PTPRD: variants seen among roughly 807,000 people sequenced by gnomAD.
PTPRD encodes receptor-type tyrosine-protein phosphatase delta.
In PTPRD, 34 loss-of-function variants were observed where a neutral mutation model predicts 214.5. That is an observed-to-expected ratio of 0.16 (90% confidence interval 0.12 to 0.21). The LOEUF (loss-of-function observed/expected upper bound fraction) is 0.21. PTPRD is among the 10% of genes least tolerant of loss of function. PTPRD has a pLI of 1.00. For synonymous variants in PTPRD, 1,128 were observed against 845.7 expected, an observed-to-expected ratio of 1.33 and a Z score of -5.79; for missense variants, 2,545 against 2,398.7, an observed-to-expected ratio of 1.06 and a Z score of -1.27.
chr9:10,438,008 C>CATATATATATATATATATAT lies in PTPRD; in HGVS notation c.-599-97011_-599-96992dup, dbSNP rs71485332. Among the ~76,000 whole-genome samples, 8 of 125,140 alleles carry CATATATATATATATATATAT rather than the reference C, an allele frequency of 6.4e-5. 1 individual carries two copies. Among genetic ancestry groups the CATATATATATATATATATAT allele is most frequent in the African/African-American group, 3.1e-4 (8 of 25,944 alleles). 82.1% of individuals were successfully genotyped at this position (125,140 alleles called of 152,430 possible). ...CTGGACTATCAGCTCCCTAAGTCTA[C>CATATATATATATATATATAT]ATATATATATATATATATATAGTGA... On this transcript the variant is annotated intron_variant, in intron 2 of 45. Coordinates refer to ENST00000381196, the MANE Select transcript of PTPRD (RefSeq NM_002839.4).
chr9:10,308,695 T>C (rs79456672), intron 3 of PTPRD, among the ~76,000 whole-genome samples: 11,759 of 152,164 alleles, frequency 0.077, 1,025 homozygotes, highest in African/African-American at 0.18. Context: ...TTCATTATCA[T>C]GGGATGTCTT....
At chr9:9,635,465 A>C (rs984435994) in intron 7 of PTPRD, among the ~76,000 whole-genome samples, 2 of 152,212 alleles carry the variant, frequency 1.3e-5, no homozygotes, top group Non-Finnish European at 2.9e-5. Context: ...CAATGATTTC[A>C]CATGGACCAA....
chr9:9,131,789 C>T (rs28616131), intron 10 of PTPRD, among the ~76,000 whole-genome samples: 5,112 of 151,966 alleles, frequency 0.034, 186 homozygotes, highest in African/African-American at 0.075. Context: ...TATGAGAGTT[C>T]GATAATATGG....
chr9:8,964,192 G>GTTTTTTTTTT (rs71317391), intron 11 of PTPRD, among the ~76,000 whole-genome samples: 7 of 35,636 alleles, frequency 2.0e-4, no homozygotes, highest in South Asian at 2.4e-3. Context: ...TCAGGGCTGT[G>GTTTTTTTTTT]TTTTTTTTTT....
intron 2 of PTPRD, among the ~76,000 whole-genome samples, chr9:10,429,394 T>A (rs2098655826): frequency 6.6e-6 from 1 of 151,982 alleles, no homozygotes; most frequent in African/African-American, 2.4e-5. Flanking sequence ...TTCATGTTAA[T>A]CTCAGCACTA....
intron 5 of PTPRD, among the ~76,000 whole-genome samples, chr9:9,781,823 C>G (rs1343001100): frequency 2.0e-5 from 3 of 147,360 alleles, no homozygotes; most frequent in Non-Finnish European, 3.0e-5. Context: ...GACGGAGTCT[C>G]GCTCTGTCGC....
At chr9:10,029,318 T>C (rs1472242258) in intron 4 of PTPRD, among the ~76,000 whole-genome samples, 1 of 152,102 alleles carries the variant, frequency 6.6e-6, no homozygotes, top group Non-Finnish European at 1.5e-5. Flanking sequence ...CGCTGTCTAG[T>C]GGAGCTGTGA....
chr9:8,990,392 C>T (rs1385693004), intron 11 of PTPRD, among the ~76,000 whole-genome samples: 1 of 152,124 alleles, frequency 6.6e-6, no homozygotes, highest in Admixed American at 6.6e-5. Flanking sequence ...ACATGTAATT[C>T]ACAGAGAGCA....
At chr9:9,607,763 T>A (rs972417930) in intron 7 of PTPRD, among the ~76,000 whole-genome samples, 12 of 145,806 alleles carry the variant, frequency 8.2e-5, no homozygotes, top group Non-Finnish European at 1.3e-4. Context: ...AAAAAAAAAA[T>A]TCATTGGCAG....
At chr9:8,414,487 CATTT>C (rs2093751268) in intron 35 of PTPRD, among the ~76,000 whole-genome samples, 1 of 151,994 alleles carries the variant, frequency 6.6e-6, no homozygotes, top group South Asian at 2.1e-4. Flanking sequence ...TAGTTTTTTT[CATTT>C]TTTTGGTTTG....
chr9:8,405,316 TATC>T (rs1360258530), intron 35 of PTPRD, among the ~76,000 whole-genome samples: 1 of 152,148 alleles, frequency 6.6e-6, no homozygotes, highest in Non-Finnish European at 1.5e-5. Flanking sequence ...TTTTTCTATT[TATC>T]ATTATATATT....
chr9:8,470,430 A>G (rs1247957664), intron 31 of PTPRD, among the ~76,000 whole-genome samples: 1 of 152,128 alleles, frequency 6.6e-6, no homozygotes, highest in Non-Finnish European at 1.5e-5. Context: ...CTTATTCTAT[A>G]TATTCTGCTT....
chr9:9,381,017 C>G (rs574317021), intron 9 of PTPRD, among the ~76,000 whole-genome samples: 72 of 152,004 alleles, frequency 4.7e-4, no homozygotes, highest in African/African-American at 1.7e-3. Context: ...ATTTCTTTTG[C>G]TTAGTGTTAG....
rs1236168301 is a variant in PTPRD, at chr9:9,276,639, T to C, written c.-202-93276A>G. 3.3e-5 allele frequency among the ~76,000 whole-genome samples: 5 copies of C among 151,178 alleles called. No individual in the cohort carries two copies. In the East Asian group the frequency reaches 9.8e-4, roughly 30 times the overall value. ...ACTTGGATCTCAGCTTCATCTTTCTTCTTTTGTGCTTTAATCTACACATGT... is the reference window on the plus strand; with the variant it reads ...ACTTGGATCTCAGCTTCATCTTTCTCCTTTTGTGCTTTAATCTACACATGT... On this transcript the variant is annotated intron_variant, in intron 9 of 45. Transcript: ENST00000381196.
intron 11 of PTPRD, among the ~76,000 whole-genome samples, chr9:8,934,483 A>ATATATCAATT (rs2098980589): frequency 1.0e-4 from 1 of 9,532 alleles, no homozygotes; most frequent in Non-Finnish European, 2.1e-4. Context: ...ATATAAATAT[A>ATATATCAATT]TATATATATA....
intron 11 of PTPRD, among the ~76,000 whole-genome samples, chr9:8,753,442 G>C (rs2093706597): frequency 6.6e-6 from 1 of 152,186 alleles, no homozygotes; most frequent in African/African-American, 2.4e-5. Flanking sequence ...TTTAAAAGCA[G>C]AAAAGTTTTC....
In PTPRD at chr9:10,521,435, C is replaced by T. The variant is rs553140405; in HGVS notation, c.-600+90963G>A. Among the ~76,000 whole-genome samples the T allele has an allele frequency of 3.3e-5, 5 of 152,134 alleles. No individual in the cohort carries two copies. In the South Asian group the frequency reaches 6.2e-4, roughly 19 times the overall value. On this transcript the variant is annotated intron_variant, in intron 2 of 45. Coordinates refer to ENST00000381196, the MANE Select transcript of PTPRD (RefSeq NM_002839.4). The stretch of plus-strand genomic sequence containing the variant: ...GGATCTACTCCTGGTGAAGATGTAG[C>T]GAACATTTTTCAAAAGACAATAAAT...
At chr9:8,649,268 G>T (rs188611197) in intron 12 of PTPRD, among the ~76,000 whole-genome samples, 31 of 152,336 alleles carry the variant, frequency 2.0e-4, no homozygotes, top group African/African-American at 7.2e-4. Context: ...ATCTGCTGGT[G>T]TCACTGTATG....
At chr9:9,780,559 G>A (rs1253950064) in intron 5 of PTPRD, among the ~76,000 whole-genome samples, 1 of 152,192 alleles carries the variant, frequency 6.6e-6, no homozygotes, top group South Asian at 2.1e-4. Flanking sequence ...AGCAAACACA[G>A]AATAACAAGG....
Sources: allele counts gnomAD v4.1 joint callset (sites outside exome capture counted in the v4.1 genomes callset), GRCh38; gene constraint gnomAD v4.1.1; transcripts MANE v1.5; gene names NCBI Gene and HGNC (gene_info 2026-07-23, HGNC 2026-07-21).